The following PDSS2 variants were observed in gnomAD, a reference collection of about 807,000 sequenced individuals.
PDSS2 encodes the protein decaprenyl diphosphate synthase subunit 2.
A neutral mutation model predicts 44.5 loss-of-function variants in PDSS2; 31 were observed. That is an observed-to-expected ratio of 0.70 (90% CI 0.52 to 0.94). PDSS2 has a LOEUF of 0.94. Ranked by LOEUF, PDSS2 falls within the 40% of genes least tolerant of loss-of-function variation. The pLI is 0.00. For missense variants in PDSS2, 452 were observed against 482.2 expected (o/e 0.94, Z 0.59); for synonymous variants, 157 against 180.3 (o/e 0.87, Z 1.03).
chr6:107,405,915 G>A (rs1780305678), intron 1 of PDSS2, among the ~76,000 whole-genome samples: 1 of 151,550 alleles, frequency 6.6e-6, no homozygotes, highest in Admixed American at 6.6e-5. Flanking sequence ...ACTATATGCT[G>A]CTGACAAAAA....
chr6:107,211,660 G>A (rs1030162758), intron 5 of PDSS2, among the ~76,000 whole-genome samples: 2 of 150,906 alleles, frequency 1.3e-5, no homozygotes, highest in Admixed American at 1.3e-4. Context: ...AACCTGGGAG[G>A]CAGAGGTTGC....
chr6:107,296,611 CA>C (rs1336293756), intron 2 of PDSS2, among the ~76,000 whole-genome samples: 2 of 152,122 alleles, frequency 1.3e-5, no homozygotes, highest in African/African-American at 4.8e-5. Flanking sequence ...CCTGTAATCC[CA>C]GCTACTCAGG....
At chr6:107,283,473 T>A (rs1254500155) in intron 2 of PDSS2, among the ~76,000 whole-genome samples, 2 of 151,506 alleles carry the variant, frequency 1.3e-5, no homozygotes, top group East Asian at 3.9e-4. Flanking sequence ...GTAATTCCAG[T>A]ACTTTGGGAG....
At chr6:107,377,404 G>A (rs964096860) in intron 1 of PDSS2, among the ~76,000 whole-genome samples, 3 of 152,238 alleles carry the variant, frequency 2.0e-5, no homozygotes, top group Non-Finnish European at 4.4e-5. Context: ...TGGAGAGGAT[G>A]TGGAGAAACA....
intron 1 of PDSS2, among the ~76,000 whole-genome samples, chr6:107,435,281 AACACACACACACACACACACAC>A (rs57353175): frequency 5.8e-4 from 77 of 133,794 alleles, no homozygotes; most frequent in South Asian, 2.1e-3. Flanking sequence ...ACTGCCTCAA[AACACACACACACACACACACAC>A]ACACACACAC....
chr6:107,397,881 TC>T (rs1378752749), intron 1 of PDSS2, among the ~76,000 whole-genome samples: 2 of 152,080 alleles, frequency 1.3e-5, no homozygotes, highest in Non-Finnish European at 2.9e-5. Flanking sequence ...TTTTTAAATA[TC>T]ATAAAATAAA....
chr6:107,258,540 G>C (rs937220069), intron 3 of PDSS2, among the ~76,000 whole-genome samples: 1 of 151,874 alleles, frequency 6.6e-6, no homozygotes, highest in Non-Finnish European at 1.5e-5. Flanking sequence ...AGTGGCTCAC[G>C]CCTGTAATCC....
chr6:107,369,424 T>A (rs1779063162), intron 1 of PDSS2, among the ~76,000 whole-genome samples: 1 of 151,630 alleles, frequency 6.6e-6, no homozygotes, highest in Non-Finnish European at 1.5e-5. Context: ...TCTCAAAAAA[T>A]AATAATAAAA....
chr6:107,272,667 A>G (rs1775641463), intron 3 of PDSS2, among the ~76,000 whole-genome samples: 1 of 152,202 alleles, frequency 6.6e-6, no homozygotes, highest in South Asian at 2.1e-4. Flanking sequence ...TCCAGAAAGC[A>G]GATTGGCAAT....
intron 4 of PDSS2, among the ~76,000 whole-genome samples, chr6:107,226,396 C>T (rs1020084862): frequency 8.5e-5 from 13 of 152,110 alleles, no homozygotes; most frequent in Admixed American, 7.9e-4. Flanking sequence ...AATAAAAGAA[C>T]TTGGCTGAGA....
chr6:107,422,397 A>G, intron 1 of PDSS2, among the ~76,000 whole-genome samples: 1 of 152,102 alleles, frequency 6.6e-6, no homozygotes. Context: ...CCATGGACAG[A>G]AATTAATGTA....
chr6:107,396,376 C>T (rs1411984365), intron 1 of PDSS2, among the ~76,000 whole-genome samples: 1 of 152,186 alleles, frequency 6.6e-6, no homozygotes, highest in East Asian at 1.9e-4. Context: ...AAGTTGCCTC[C>T]AGGCAGAAAG....
chr6:107,234,474 G>T (rs1380849575), intron 4 of PDSS2, among the ~76,000 whole-genome samples: 1 of 151,764 alleles, frequency 6.6e-6, no homozygotes, highest in East Asian at 1.9e-4. Flanking sequence ...CAAAGTGCTG[G>T]GATTACAGGT....
intron 7 of PDSS2, among the ~76,000 whole-genome samples, chr6:107,183,383 T>C (rs1162807814): frequency 1.3e-5 from 2 of 152,060 alleles, no homozygotes; most frequent in Non-Finnish European, 2.9e-5. Flanking sequence ...TAGTTATCAC[T>C]AAAATAGAAA....
At chr6:107,389,104 A>G (rs937602414) in intron 1 of PDSS2, among the ~76,000 whole-genome samples, 1 of 152,174 alleles carries the variant, frequency 6.6e-6, no homozygotes, top group Non-Finnish European at 1.5e-5. Flanking sequence ...AAGGGAATAC[A>G]AGGGAACTTT....
intron 1 of PDSS2, among the ~76,000 whole-genome samples, chr6:107,365,250 T>A (rs907692655): frequency 4.6e-5 from 7 of 152,114 alleles, no homozygotes; most frequent in African/African-American, 2.4e-5. Context: ...TAGAGATATA[T>A]TGGAGCAAAG....
At chr6:107,206,340 G>A (rs1188536776) in intron 6 of PDSS2, among the ~76,000 whole-genome samples, 1 of 152,174 alleles carries the variant, frequency 6.6e-6, no homozygotes, top group Non-Finnish European at 1.5e-5. Flanking sequence ...CCAAAGTGCT[G>A]GGATTACAGG....
intron 1 of PDSS2, among the ~76,000 whole-genome samples, chr6:107,392,329 A>G (rs1334736022): frequency 1.3e-5 from 2 of 152,220 alleles, no homozygotes; most frequent in African/African-American, 4.8e-5. Flanking sequence ...GAGTTAACCC[A>G]TAGAAAATAA....
At chr6:107,377,892 AG>A (rs1779336471) in intron 1 of PDSS2, among the ~76,000 whole-genome samples, 1 of 151,420 alleles carries the variant, frequency 6.6e-6, no homozygotes, top group Non-Finnish European at 1.5e-5. Context: ...GTTGTGGGGT[AG>A]GGGTAAGGGG....
Sources: gnomAD v4.1 joint callset for allele counts (sites outside exome capture counted in the v4.1 genomes callset) on GRCh38, gnomAD v4.1.1 for gene constraint, MANE v1.5 for transcripts, NCBI Gene and HGNC (gene_info 2026-07-23, HGNC 2026-07-21) for gene names.